KATNIP: variants seen among roughly 807,000 people sequenced by gnomAD.
The protein encoded by KATNIP is katanin-interacting protein.
Under a neutral mutation model 174.0 loss-of-function variants are expected in KATNIP, and 126 were observed. The ratio of observed to expected loss-of-function variants is 0.72; its 90% CI spans 0.63 to 0.84. The LOEUF is 0.84. Among genes scored for constraint, KATNIP ranks in the 40% least tolerant of loss-of-function variants. The pLI is 0.00. For missense variants in KATNIP, 1,958 were observed against 2,109.7 expected, an observed-to-expected ratio of 0.93 and a Z score of 1.41; for synonymous variants, 810 against 835.7, an observed-to-expected ratio of 0.97 and a Z score of 0.53.
intron 2 of KATNIP, among the ~76,000 whole-genome samples, chr16:27,608,729 A>G (rs929823749): frequency 1.3e-5 from 2 of 152,134 alleles, no homozygotes; most frequent in Admixed American, 6.5e-5. Flanking sequence ...ATAAAATTCT[A>G]TGCCTTCTCC....
intron 5 of KATNIP, among the ~76,000 whole-genome samples, chr16:27,635,151 A>G (rs538163929): frequency 6.6e-6 from 1 of 152,238 alleles, no homozygotes; most frequent in Non-Finnish European, 1.5e-5. Context: ...CAAAAGCCTT[A>G]ATGATTCTAC....
At chr16:27,683,305 A>G (rs2078413217) in intron 8 of KATNIP, among the ~76,000 whole-genome samples, 1 of 152,190 alleles carries the variant, frequency 6.6e-6, no homozygotes, top group Non-Finnish European at 1.5e-5. Context: ...TGGGGCCTTC[A>G]AAGTACCACA....
At chr16:27,713,805 T>TATATATACAC (rs2079764549) in intron 13 of KATNIP, among the ~76,000 whole-genome samples, 5 of 45,442 alleles carry the variant, frequency 1.1e-4, no homozygotes, top group African/African-American at 4.8e-4. Context: ...TGTGTGTGTA[T>TATATATACAC]ATACATATAT....
intron 1 of KATNIP, among the ~76,000 whole-genome samples, chr16:27,570,821 A>G (rs2141678610): frequency 6.6e-6 from 1 of 152,300 alleles, no homozygotes; most frequent in African/African-American, 2.4e-5. Context: ...GAAGGCACAT[A>G]GGCAAATACT....
intron 3 of KATNIP, among the ~76,000 whole-genome samples, chr16:27,623,905 T>C (rs1327798426): frequency 6.6e-6 from 1 of 151,590 alleles, no homozygotes; most frequent in East Asian, 1.9e-4. Context: ...GTTCAAAGGG[T>C]CCTCATTGCC....
chr16:27,663,739 G>A (rs779560415), intron 6 of KATNIP, among the ~76,000 whole-genome samples: 10 of 151,796 alleles, frequency 6.6e-5, no homozygotes, highest in Non-Finnish European at 1.2e-4. Flanking sequence ...GATTACAGGC[G>A]TGAGCCACTG....
Position 27,740,794 on chromosome 16 carries a change from G to A in KATNIP, c.2497G>A (p.Val833Ile). 1 of 1,614,182 alleles carries A rather than the reference G, an allele frequency of 6.2e-7. No homozygotes were observed. The highest frequency in any genetic ancestry group is 8.5e-7 in the Non-Finnish European group (1 of 1,180,022). ...KERPQRATTK[V>I]HSDDSDIFNQ... ...GAGACCCCAGAGGGCAACCACCAAA[G>A]TCCACAGTGATGACTCAGACATCTT... Residue 833 changes from valine (V) to isoleucine (I), a missense_variant, in exon 15 of 28, where the codon GTC becomes ATC. Val to Ile is a conservative substitution (Grantham distance 29, BLOSUM62 3). This residue lies in a region of KATNIP where 1,557 missense variants were observed against 1,617.8 expected (regional missense o/e 0.96). Transcript: ENST00000261588.
At chr16:27,768,132 ACTG>A (rs2082183506) in intron 20 of KATNIP, among the ~76,000 whole-genome samples, 2 of 152,084 alleles carry the variant, frequency 1.3e-5, no homozygotes, top group African/African-American at 4.8e-5. Flanking sequence ...GGAGACCCCC[ACTG>A]CAGTGAAATG....
At chr16:27,587,880 T>C (rs1013945044) in intron 2 of KATNIP, among the ~76,000 whole-genome samples, 5 of 151,996 alleles carry the variant, frequency 3.3e-5, no homozygotes, top group African/African-American at 4.8e-5. Flanking sequence ...CTTTTTTTTT[T>C]CTTTTCCCTT....
intron 8 of KATNIP, among the ~76,000 whole-genome samples, chr16:27,692,113 A>G (rs2078755831): frequency 6.6e-6 from 1 of 152,206 alleles, no homozygotes; most frequent in Non-Finnish European, 1.5e-5. Context: ...CATGCGGGAA[A>G]TGGTGAATGA....
intron 1 of KATNIP, among the ~76,000 whole-genome samples, chr16:27,566,039 T>C (rs2141636352): frequency 6.6e-6 from 1 of 151,808 alleles, no homozygotes; most frequent in African/African-American, 2.4e-5. Flanking sequence ...TTTTTTTTTT[T>C]TAAGAGATGG....
At chr16:27,737,777 T>A (rs2080952096) in intron 14 of KATNIP, among the ~76,000 whole-genome samples, 1 of 152,116 alleles carries the variant, frequency 6.6e-6, no homozygotes, top group Admixed American at 6.5e-5. Flanking sequence ...CTAGGAGAAA[T>A]TCCTATTGCG....
chr16:27,739,314 G>T (rs2081016546), intron 14 of KATNIP, among the ~76,000 whole-genome samples: 1 of 152,212 alleles, frequency 6.6e-6, no homozygotes, highest in African/African-American at 2.4e-5. Context: ...TTTAAGATAG[G>T]TGAAGACTAG....
At chr16:27,731,634 T>C (rs2080689570) in intron 14 of KATNIP, among the ~76,000 whole-genome samples, 1 of 151,920 alleles carries the variant, frequency 6.6e-6, no homozygotes, top group African/African-American at 2.4e-5. Context: ...CTTTTTTTTT[T>C]TTTGAGACAG....
At chr16:27,765,597 C>G (rs2082093906) in intron 19 of KATNIP, among the ~76,000 whole-genome samples, 1 of 152,214 alleles carries the variant, frequency 6.6e-6, no homozygotes, top group Non-Finnish European at 1.5e-5. Flanking sequence ...CCTCTCTCCC[C>G]CAGCATGGGA....
chr16:27,579,525 C>A (rs1046882966), intron 2 of KATNIP, among the ~76,000 whole-genome samples: 2 of 152,184 alleles, frequency 1.3e-5, no homozygotes, highest in African/African-American at 4.8e-5. Context: ...CAGAGAGATT[C>A]ACAAGGAGAA....
chr16:27,661,237 A>G (rs544448101), intron 6 of KATNIP, among the ~76,000 whole-genome samples: 3 of 152,262 alleles, frequency 2.0e-5, no homozygotes, highest in African/African-American at 4.8e-5. Flanking sequence ...ATTTTAAATC[A>G]CCTGAGTGAG....
At chr16:27,758,707 A>G (rs1277082983) in intron 18 of KATNIP, among the ~76,000 whole-genome samples, 1 of 152,136 alleles carries the variant, frequency 6.6e-6, no homozygotes, top group Non-Finnish European at 1.5e-5. Context: ...ATGCAAAAAC[A>G]TGATAGGTTC....
Position 27,559,033 on chromosome 16 carries a change from T to C in KATNIP, c.7+8856T>C, listed in dbSNP as rs143557397. ...ATGGAATAATATACATTTTGAAAGGTACCCGTTTTGACTACATTCCCAGCT... is the reference window on the plus strand; with the variant it reads ...ATGGAATAATATACATTTTGAAAGGCACCCGTTTTGACTACATTCCCAGCT... On this transcript the variant is annotated intron_variant, in intron 1 of 27. Coordinates refer to ENST00000261588, the MANE Select transcript of KATNIP (RefSeq NM_015202.5). 7.2e-3 allele frequency among the ~76,000 whole-genome samples: 1,097 copies of C among 152,304 alleles called. 16 individuals carry two copies. The highest frequency in any genetic ancestry group is 0.025 in the African/African-American group (1,044 of 41,554).
Sources: gnomAD v4.1 joint callset for allele counts (sites outside exome capture counted in the v4.1 genomes callset) on GRCh38, gnomAD v4.1.1 for gene constraint, gnomAD v4.1.1 regional missense constraint, MANE v1.5 for transcripts, NCBI Gene and HGNC (gene_info 2026-07-23, HGNC 2026-07-21) for gene names.